UBE3C: variants seen among roughly 807,000 people sequenced by gnomAD.
UBE3C encodes ubiquitin-protein ligase E3C.
UBE3C carries 42 observed loss-of-function variants against 129.4 expected under a neutral mutation model. The observed-to-expected ratio is 0.32, with a 90% CI of 0.25 to 0.42. The LOEUF (loss-of-function observed/expected upper bound fraction) is 0.42, where lower values mean the gene tolerates loss of function less well. Ranked by LOEUF, UBE3C falls within the 10% of genes least tolerant of loss-of-function variation. The pLI is 1.00. For missense variants in UBE3C, 1,049 were observed against 1,319.1 expected (o/e 0.80, Z 3.17); for synonymous variants, 510 against 492.4 (o/e 1.04, Z -0.47).
intron 1 of UBE3C, among the ~76,000 whole-genome samples, chr7:157,142,854 A>G (rs1183737605): frequency 7.0e-6 from 1 of 142,084 alleles, no homozygotes; most frequent in African/African-American, 2.6e-5. Flanking sequence ...TAAAAGTTGA[A>G]TTTTTTTTTT....
At position 157,267,800 on chromosome 7, in the gene UBE3C, T is replaced by A; in HGVS notation, c.*45T>A. On this transcript the variant is annotated 3_prime_UTR_variant, in exon 23 of 23. Transcript: ENST00000348165. ...CCCCTACAGAGAACCAGTGCTTCCT[T>A]CGTCAGCAGCGCCTCCCCAGACCCA... The A allele has an allele frequency of 6.6e-7, 1 of 1,508,708 alleles. No homozygotes were observed. Among genetic ancestry groups the A allele is most frequent in the Non-Finnish European group, 8.8e-7 (1 of 1,130,974 alleles). 93.5% of individuals were successfully genotyped at this position (1,508,708 alleles called of 1,614,324 possible). A position where few individuals can be genotyped will look rare whatever the true frequency, so the allele number is the denominator to read the frequency against.
At chr7:157,230,955 G>A (rs1796008137) in intron 17 of UBE3C, 125 bp from the exon 18 acceptor site, 5 of 1,332,536 alleles carry the variant, frequency 3.8e-6, no homozygotes, top group Non-Finnish European at 5.2e-6. Context: ...TTGCTGTTTT[G>A]AGTCCTATGT....
intron 1 of UBE3C, among the ~76,000 whole-genome samples, chr7:157,144,131 C>CA (rs1399250207): frequency 6.6e-6 from 1 of 152,186 alleles, no homozygotes; most frequent in Non-Finnish European, 1.5e-5. Flanking sequence ...AATGGGAAGT[C>CA]ACAAACAGGG....
At chr7:157,250,515 G>A (rs1796596102) in intron 19 of UBE3C, among the ~76,000 whole-genome samples, 1 of 152,012 alleles carries the variant, frequency 6.6e-6, no homozygotes, top group Non-Finnish European at 1.5e-5. Flanking sequence ...AGACATGGGT[G>A]TCTCCCTATG....
At chr7:157,255,261 C>T (rs931708546) in intron 21 of UBE3C, among the ~76,000 whole-genome samples, 11 of 152,110 alleles carry the variant, frequency 7.2e-5, no homozygotes, top group South Asian at 2.1e-4. Flanking sequence ...AGAAAAATGC[C>T]ACTTACATCC....
In UBE3C at chr7:157,268,663, C is replaced by T. The variant is rs1441441671; in HGVS notation, c.*908C>T. On this transcript the variant is annotated 3_prime_UTR_variant, in exon 23 of 23. Coordinates refer to ENST00000348165, the MANE Select transcript of UBE3C (RefSeq NM_014671.3). ...TCGCCCTCCTTTCCCCTGGGCTGCG[C>T]CCACTTGTCTTCCTGGATATTTGGG... is the stretch of plus-strand genomic sequence containing the variant. The T allele has an allele frequency of 6.5e-6, 1 of 152,862 alleles. No individual in the cohort carries two copies. The highest frequency in any genetic ancestry group is 1.5e-5 in the Non-Finnish European group (1 of 68,086). 9.5% of individuals were successfully genotyped at this position (152,862 alleles called of 1,614,324 possible). A position where few individuals can be genotyped will look rare whatever the true frequency, so the allele number is the denominator to read the frequency against.
Position 157,183,990 on chromosome 7 carries a change from T to A in UBE3C, c.1104T>A (p.Ser368=). ...GCTGTCACGACTCAGCCAGTGACTCTGAGGAGGAGAGTGAAGAAGCCGACA... is the reference window on the plus strand; with the variant it reads ...GCTGTCACGACTCAGCCAGTGACTCAGAGGAGGAGAGTGAAGAAGCCGACA... ...SASCHDSASD[S]EEESEEADKP... The change falls in exon 9 of 23, where the codon TCT becomes TCA. Residue 368 remains serine (S), a synonymous_variant. Coordinates refer to ENST00000348165, the MANE Select transcript of UBE3C (RefSeq NM_014671.3). 1 of 1,614,178 alleles carries A rather than the reference T, an allele frequency of 6.2e-7. No individual in the cohort carries two copies. The highest frequency in any genetic ancestry group is 8.5e-7 in the Non-Finnish European group (1 of 1,180,020).
chr7:157,220,910 AAAGTTTCATCACCCACAAAATT>A, intron 15 of UBE3C, 134 bp downstream of exon 15: 1 of 1,073,146 alleles, frequency 9.3e-7, no homozygotes, highest in Non-Finnish European at 1.3e-6. Flanking sequence ...ACCATGTAGA[AAAGTTTCATCACCCACAAAATT>A]GCCTCTAGCT....
chr7:157,220,715 C>G lies in UBE3C; in HGVS notation c.1941C>G (p.Ser647=). 6.2e-7 allele frequency: 1 copy of G among 1,614,168 alleles called. No homozygotes were observed. The highest frequency in any genetic ancestry group is 8.5e-7 in the Non-Finnish European group (1 of 1,179,998). The change falls in exon 15 of 23, where the codon TCC becomes TCG. Residue 647 remains serine, a synonymous_variant. Transcript: ENST00000348165. ...DKVTQLYVPA[S]RHVWRFRRMG... ...TCACTCAGCTCTATGTGCCAGCATC[C>G]AGACATGTGTGGAGGTTCCGGCGGA...
Position 157,267,959 on chromosome 7 carries a change from ATAACT to A in UBE3C, c.*208_*212del, listed in dbSNP as rs1482468326. The A allele has an allele frequency of 8.7e-6, 4 of 461,384 alleles. No homozygotes were observed. Among genetic ancestry groups the A allele is most frequent in the East Asian group, 3.8e-5 (1 of 26,226 alleles). 28.6% of individuals were successfully genotyped at this position (461,384 alleles called of 1,614,324 possible). On this transcript the variant is annotated 3_prime_UTR_variant, in exon 23 of 23. Coordinates refer to ENST00000348165, the MANE Select transcript of UBE3C (RefSeq NM_014671.3). Reference sequence around the variant, plus strand: ...TATTTAGATGGACATTGCTTTTCAAATAACTTAAAATAACACGTTATGTGCCATGT... The same window carrying A: ...TATTTAGATGGACATTGCTTTTCAAATAAAATAACACGTTATGTGCCATGT...
chr7:157,196,891 C>T (rs1157387722), intron 10 of UBE3C, among the ~76,000 whole-genome samples: 3 of 152,148 alleles, frequency 2.0e-5, no homozygotes, highest in Non-Finnish European at 4.4e-5. Flanking sequence ...ATCTCTTGAA[C>T]CTGGGAGGTG....
intron 4 of UBE3C, among the ~76,000 whole-genome samples, chr7:157,173,872 A>G (rs934602212): frequency 6.6e-6 from 1 of 152,220 alleles, no homozygotes; most frequent in African/African-American, 2.4e-5. Flanking sequence ...AGGCAAATTA[A>G]CTAATATTCG....
rs1280782925 is a variant in UBE3C at position 157,267,727 on chromosome 7, A to T, written c.3224A>T (p.Glu1075Val). 1 of 1,610,738 alleles carries T rather than the reference A, an allele frequency of 6.2e-7. No homozygotes were observed. Among genetic ancestry groups the T allele is most frequent in the Admixed American group, 1.7e-5 (1 of 59,320 alleles). The change falls in exon 23 of 23, where the codon GAA becomes GTA. Residue 1075 changes from glutamate to valine, a missense_variant. By Grantham distance (121) the Glu-to-Val change is moderately radical. Transcript: ENST00000348165. ...CGAAGTAAACTTCTCTATGCGATTG[A>T]ATGTGCCGCTGGCTTTGAGCTGAGC... ...LLRSKLLYAI[E>V]CAAGFELS
intron 10 of UBE3C, among the ~76,000 whole-genome samples, chr7:157,201,174 A>AT (rs1321949881): frequency 6.6e-6 from 1 of 151,816 alleles, no homozygotes; most frequent in Non-Finnish European, 1.5e-5. Context: ...AAATACAAAA[A>AT]TTAGCCAGGC....
At chr7:157,263,583 G>A (rs573040602) in intron 22 of UBE3C, among the ~76,000 whole-genome samples, 57 of 151,602 alleles carry the variant, frequency 3.8e-4, no homozygotes, top group Non-Finnish European at 6.3e-4. Flanking sequence ...AGAATTGCTT[G>A]AACCTGGGAG....
intron 17 of UBE3C, among the ~76,000 whole-genome samples, chr7:157,230,274 C>T (rs577630073): frequency 1.3e-5 from 2 of 152,042 alleles, no homozygotes; most frequent in Admixed American, 6.6e-5. Context: ...CCAAATACAG[C>T]TTTTAAAAGA....
At chr7:157,256,018 C>CCAGA (rs1796742053) in intron 21 of UBE3C, among the ~76,000 whole-genome samples, 1 of 152,198 alleles carries the variant, frequency 6.6e-6, no homozygotes, top group African/African-American at 2.4e-5. Flanking sequence ...CCCTTCTCTG[C>CCAGA]CGTCTGTTCA....
chr7:157,184,443 C>G (rs555657203), intron 9 of UBE3C, among the ~76,000 whole-genome samples: 2 of 152,262 alleles, frequency 1.3e-5, no homozygotes, highest in Admixed American at 1.3e-4. Context: ...AAATTACTTT[C>G]AAGTTCTTAT....
In UBE3C at chr7:157,253,969, T is replaced by C; in HGVS notation, c.2710T>C (p.Phe904Leu). The C allele has an allele frequency of 6.3e-7, 1 of 1,586,596 alleles. No individual in the cohort carries two copies. Among genetic ancestry groups the C allele is most frequent in the Non-Finnish European group, 8.6e-7 (1 of 1,163,578 alleles). The change falls in exon 20 of 23, where the codon TTC becomes CTC. Residue 904 changes from phenylalanine to leucine, a missense_variant. Phe to Leu is a conservative substitution (Grantham distance 22). Transcript: ENST00000348165. ...LGEAQVVELK[F>L]GGKDIPVTSA... ...GTATTCCCAGGTAGTTGAACTAAAA[T>C]TCGGTGGGAAAGACATCCCTGTCAC...
Sources: allele counts gnomAD v4.1 joint callset (sites outside exome capture counted in the v4.1 genomes callset), GRCh38; gene constraint gnomAD v4.1.1; transcripts MANE v1.5; gene names NCBI Gene and HGNC (gene_info 2026-07-23, HGNC 2026-07-21).